Variants in TTI1 observed in about 807,000 individuals in gnomAD.
The protein encoded by TTI1 is TELO2-interacting protein 1 homolog.
In TTI1, 52 loss-of-function variants were observed where a neutral mutation model predicts 85.4. The ratio of observed to expected loss-of-function variants is 0.61; its 90% CI spans 0.49 to 0.77. The LOEUF (loss-of-function observed/expected upper bound fraction) is 0.77, where lower values mean the gene tolerates loss of function less well. TTI1 is among the 30% of genes least tolerant of loss of function. The pLI is 0.00. For missense variants in TTI1, 1,173 were observed against 1,296.0 expected (o/e 0.91, Z 1.46); for synonymous variants, 512 against 503.9 (o/e 1.02, Z -0.22).
At chr20:38,000,418 C>A (rs2073405838) in intron 4 of TTI1, 1 of 71,172 alleles carries the variant, frequency 1.4e-5, no homozygotes, top group African/African-American at 5.3e-5. Flanking sequence ...AAAGAGACTG[C>A]CTGCATCAGT....
intron 1 of TTI1, among the ~76,000 whole-genome samples, chr20:38,031,694 A>G (rs1467267745): frequency 6.6e-6 from 1 of 152,180 alleles, no homozygotes; most frequent in Non-Finnish European, 1.5e-5. Context: ...CTGAAAAATT[A>G]TTTTCCGAAT....
chr20:38,027,417 T>C (rs1240179883), intron 1 of TTI1, among the ~76,000 whole-genome samples: 2 of 152,190 alleles, frequency 1.3e-5, no homozygotes, highest in Admixed American at 6.5e-5. Context: ...CAGTTGACCC[T>C]TGAACAATGT....
chr20:38,012,015 G>A lies in TTI1; in HGVS notation c.1802C>T (p.Thr601Ile). 4 of 1,614,254 alleles carry A rather than the reference G, an allele frequency of 2.5e-6. No homozygotes were observed. Among genetic ancestry groups the A allele is most frequent in the Middle Eastern group, 1.6e-4 (1 of 6,062 alleles). The change falls in exon 2 of 8, where the codon ACC becomes ATC. Residue 601 changes from threonine (T) to isoleucine (I), a missense_variant. Coordinates refer to ENST00000373447, the MANE Select transcript of TTI1 (RefSeq NM_001303457.2). ...GLQAITSGEH[T>I]CQVTSFLAFS... is the part of the protein sequence containing the mutation. The stretch of plus-strand genomic sequence containing the variant: ...GGCTAGAAAAGATGTAACTTGGCAG[G>A]TGTGTTCACCAGACGTGATGGCTTG...
chr20:37,995,786 A>G (rs2073329598), intron 7 of TTI1, among the ~76,000 whole-genome samples: 1 of 152,236 alleles, frequency 6.6e-6, no homozygotes, highest in South Asian at 2.1e-4. Context: ...AATTGGAATC[A>G]TCTAGTTTCA....
At chr20:38,030,473 T>A (rs139025233) in intron 1 of TTI1, among the ~76,000 whole-genome samples, 693 of 151,580 alleles carry the variant, frequency 4.6e-3, no homozygotes, top group Non-Finnish European at 7.5e-3. Context: ...ATTTCTCTCA[T>A]GAGTATAGAT....
intron 2 of TTI1, among the ~76,000 whole-genome samples, chr20:38,011,288 C>T (rs534967424): frequency 6.6e-6 from 1 of 152,252 alleles, no homozygotes; most frequent in Admixed American, 6.5e-5. Flanking sequence ...ATTTATTCTG[C>T]AGGGTTTATA....
chr20:37,987,788 A>G (rs979705133), intron 7 of TTI1, among the ~76,000 whole-genome samples: 4 of 152,102 alleles, frequency 2.6e-5, no homozygotes, highest in African/African-American at 9.7e-5. Context: ...ATTGAATTTC[A>G]CTCCATGCAG....
intron 7 of TTI1, among the ~76,000 whole-genome samples, chr20:37,986,395 T>TAAAA (rs2073190682): frequency 2.0e-5 from 3 of 152,228 alleles, no homozygotes; most frequent in Non-Finnish European, 4.4e-5. Context: ...TAAGCCACTC[T>TAAAA]TTTTGCCCTG....
At chr20:38,019,046 A>C (rs766059422) in intron 1 of TTI1, 2 of 151,832 alleles carry the variant, frequency 1.3e-5, no homozygotes, top group Non-Finnish European at 2.9e-5. Flanking sequence ...GCTGCTAGGG[A>C]GGCTCAGTTG....
In TTI1 at chr20:38,006,242, T is replaced by A; in HGVS notation, c.2458A>T (p.Lys820Ter). The A allele has an allele frequency of 6.2e-7, 1 of 1,614,202 alleles. No individual in the cohort carries two copies. Among genetic ancestry groups the A allele is most frequent in the South Asian group, 1.1e-5 (1 of 91,078 alleles). Residue 820 changes from lysine (K) to a stop codon, truncating the protein, a stop_gained, in exon 3 of 8, where the codon AAG becomes TAG. Coordinates refer to ENST00000373447, the MANE Select transcript of TTI1 (RefSeq NM_001303457.2). LOFTEE classifies it high-confidence loss of function. ...GAGACATTTCCATCTGCCACATCCTTCTCTTTGAGGTAGTTCAGCAAAAAC... is the reference window on the plus strand; with the variant it reads ...GAGACATTTCCATCTGCCACATCCTACTCTTTGAGGTAGTTCAGCAAAAAC... ...EQFLLNYLKE[K>*]DVADGNVSDF...
In TTI1 at chr20:37,996,413, A is replaced by G. The variant is rs1193706318; in HGVS notation, c.3048T>C (p.Ser1016=). 2 of 1,614,076 alleles carry G rather than the reference A, an allele frequency of 1.2e-6. No individual in the cohort carries two copies. Among genetic ancestry groups the G allele is most frequent in the Non-Finnish European group, 1.7e-6 (2 of 1,180,008 alleles). The change falls in exon 7 of 8, where the codon AGT becomes AGC. Residue 1016 remains serine, a synonymous_variant. Coordinates refer to ENST00000373447, the MANE Select transcript of TTI1 (RefSeq NM_001303457.2). ...CTTGTAATTTCACGGGCTGTTTGACACTGAGGTAAATCAAGCAGGCATCAG... is the reference window on the plus strand; with the variant it reads ...CTTGTAATTTCACGGGCTGTTTGACGCTGAGGTAAATCAAGCAGGCATCAG... ...KVADACLIYL[S]VKQPVKLQEA...
chr20:38,001,298 A>C (rs1456694867), intron 4 of TTI1, among the ~76,000 whole-genome samples: 1 of 152,232 alleles, frequency 6.6e-6, no homozygotes, highest in Admixed American at 6.5e-5. Flanking sequence ...GAAGATGCTA[A>C]GGCTCAACAT....
At chr20:38,007,646 C>T (rs934744518) in intron 2 of TTI1, among the ~76,000 whole-genome samples, 6 of 152,240 alleles carry the variant, frequency 3.9e-5, no homozygotes, top group African/African-American at 1.4e-4. Flanking sequence ...TGGTCCAGTG[C>T]CCTCCTTTTG....
intron 7 of TTI1, among the ~76,000 whole-genome samples, chr20:37,984,586 G>A (rs2122467981): frequency 6.6e-6 from 1 of 152,316 alleles, no homozygotes; most frequent in Admixed American, 6.5e-5. Flanking sequence ...GGGCCCTCCT[G>A]CAGTGAGCAG....
chr20:37,996,638 A>G, intron 6 of TTI1, 111 bp downstream of exon 6: 1 of 1,408,816 alleles, frequency 7.1e-7, no homozygotes, highest in Non-Finnish European at 9.8e-7. Flanking sequence ...ATAAGACGGA[A>G]GGAGGTACAC....
intron 7 of TTI1, among the ~76,000 whole-genome samples, chr20:37,994,685 C>G (rs998978958): frequency 2.6e-5 from 4 of 152,246 alleles, no homozygotes; most frequent in East Asian, 1.9e-4. Context: ...TCTTCCTCCC[C>G]CTCCCTGCCC....
At chr20:37,986,072 A>G (rs888291487) in intron 7 of TTI1, among the ~76,000 whole-genome samples, 1 of 152,238 alleles carries the variant, frequency 6.6e-6, no homozygotes, top group African/African-American at 2.4e-5. Context: ...AGCGGGGAGC[A>G]GATTTCTATT....
intron 7 of TTI1, among the ~76,000 whole-genome samples, chr20:37,988,506 C>T (rs1467945922): frequency 6.6e-6 from 1 of 152,234 alleles, no homozygotes; most frequent in Non-Finnish European, 1.5e-5. Context: ...TAAACTGTAA[C>T]TGAAATGCAG....
In TTI1 at chr20:38,011,932, T is replaced by C. The variant is rs1181997809; in HGVS notation, c.1885A>G (p.Ile629Val). The change falls in exon 2 of 8, where the codon ATT becomes GTT. Residue 629 changes from isoleucine to valine, a missense_variant. By Grantham distance (29) the Ile-to-Val change is conservative (BLOSUM62 3). Transcript: ENST00000373447. ...SMNSNIWQIC[I>V]QLEGIGQFAY... ...AACTGGCCAATTCCTTCCAACTGAA[T>C]GCATATTTGCCAGATGTTACTGTTC... The C allele has an allele frequency of 8.7e-6, 14 of 1,614,108 alleles. No individual in the cohort carries two copies. The highest frequency in any genetic ancestry group is 1.1e-5 in the Non-Finnish European group (13 of 1,180,050).
Sources: gnomAD v4.1 joint callset for allele counts (sites outside exome capture counted in the v4.1 genomes callset) on GRCh38, gnomAD v4.1.1 for gene constraint, MANE v1.5 for transcripts, NCBI Gene and HGNC (gene_info 2026-07-23, HGNC 2026-07-21) for gene names.